ZFHX4: variants seen among roughly 807,000 people sequenced by gnomAD.
ZFHX4 encodes the protein zinc finger homeobox protein 4.
In ZFHX4, 56 loss-of-function variants were observed where a neutral mutation model predicts 267.6. The observed-to-expected ratio is 0.21, with a 90% CI of 0.17 to 0.26. The LOEUF (loss-of-function observed/expected upper bound fraction) is 0.26. ZFHX4 is among the 10% of genes least tolerant of loss of function. The pLI is 1.00. For missense variants in ZFHX4, 4,332 were observed against 4,420.0 expected (o/e 0.98, Z 0.56); for synonymous variants, 1,778 against 1,665.6 (o/e 1.07, Z -1.64).
Position 76,812,276 on chromosome 8 carries a change from A to G in ZFHX4, c.3326-21062A>G, listed in dbSNP as rs555492619. Among the ~76,000 whole-genome samples, 4 of 152,342 alleles carry G rather than the reference A, an allele frequency of 2.6e-5. No homozygotes were observed. The South Asian group carries it at 8.3e-4, about 32-fold the overall frequency. ...GTAAATGCTTTTGCTTATCTCATTT[A>G]TCAAGAATTTTAAATTCTGTTGCAG... On this transcript the variant is annotated intron_variant, in intron 4 of 10. Transcript: ENST00000651372.
At chr8:76,684,359 C>T (rs1177290055) in intron 1 of ZFHX4, among the ~76,000 whole-genome samples, 2 of 152,082 alleles carry the variant, frequency 1.3e-5, no homozygotes, top group African/African-American at 4.8e-5. Flanking sequence ...CTGTTTTAAC[C>T]TCTTGCACCT....
At chr8:76,804,212 A>T (rs1811190729) in intron 4 of ZFHX4, among the ~76,000 whole-genome samples, 1 of 152,156 alleles carries the variant, frequency 6.6e-6, no homozygotes, top group Non-Finnish European at 1.5e-5. Context: ...AATGGAAGCA[A>T]CGTGAGGAAA....
intron 3 of ZFHX4, among the ~76,000 whole-genome samples, chr8:76,755,992 GT>G (rs1809750492): frequency 6.6e-6 from 1 of 152,172 alleles, no homozygotes; most frequent in South Asian, 2.1e-4. Flanking sequence ...CTTCGTAGGA[GT>G]TCCATGTTAT....
intron 1 of ZFHX4, among the ~76,000 whole-genome samples, chr8:76,700,523 C>A (rs896656670): frequency 6.6e-6 from 1 of 152,164 alleles, no homozygotes; most frequent in Non-Finnish European, 1.5e-5. Context: ...AAAGCACCCC[C>A]TTTCATTAGT....
chr8:76,758,991 T>A (rs1429675249), intron 3 of ZFHX4, among the ~76,000 whole-genome samples: 1 of 152,204 alleles, frequency 6.6e-6, no homozygotes, highest in Non-Finnish European at 1.5e-5. Context: ...GATACAATAC[T>A]GGTATGTGGA....
rs367633059 is a variant in ZFHX4 at position 76,705,243 on chromosome 8, C to T, written c.1155C>T (p.Ser385=). ...CTGGCTTTGCCTTCTTAAAAGGAAGCGCGAGCACCTCGAGCTCAGCAGAGC... is the reference window on the plus strand; with the variant it reads ...CTGGCTTTGCCTTCTTAAAAGGAAGTGCGAGCACCTCGAGCTCAGCAGAGC... ...LPAGFAFLKG[S]ASTSSSAEQP... The change falls in exon 2 of 11, where the codon AGC becomes AGT. Residue 385 remains serine, a synonymous_variant. Transcript: ENST00000651372. 2.9e-5 allele frequency: 47 copies of T among 1,613,808 alleles called. No homozygotes were observed. Among genetic ancestry groups the T allele is most frequent in the African/African-American group, 8.0e-5 (6 of 74,898 alleles).
chr8:76,781,988 A>G (rs909559251), intron 4 of ZFHX4, among the ~76,000 whole-genome samples: 3 of 151,964 alleles, frequency 2.0e-5, no homozygotes, highest in Non-Finnish European at 4.4e-5. Flanking sequence ...CAGTAATCAG[A>G]TAGGGATTTC....
intron 6 of ZFHX4, among the ~76,000 whole-genome samples, chr8:76,847,513 A>G (rs563729718): frequency 7.9e-5 from 12 of 152,202 alleles, no homozygotes; most frequent in African/African-American, 2.9e-4. Context: ...AAATCTAGAA[A>G]TCAGTAGTAT....
At chr8:76,808,542 T>C (rs1024010526) in intron 4 of ZFHX4, among the ~76,000 whole-genome samples, 1 of 152,166 alleles carries the variant, frequency 6.6e-6, no homozygotes, top group East Asian at 1.9e-4. Context: ...AACCAGCCAC[T>C]GCTGTTTAAG....
intron 4 of ZFHX4, among the ~76,000 whole-genome samples, chr8:76,794,620 A>G (rs952507560): frequency 2.8e-4 from 42 of 152,164 alleles, no homozygotes; most frequent in African/African-American, 9.9e-4. Flanking sequence ...TGTGTTCTAT[A>G]CAGGAGACTG....
chr8:76,859,847 A>G (rs1186226936), intron 10 of ZFHX4, among the ~76,000 whole-genome samples: 1 of 152,146 alleles, frequency 6.6e-6, no homozygotes, highest in Non-Finnish European at 1.5e-5. Context: ...AATGAACTAC[A>G]TATGAGTGCG....
chr8:76,702,403 C>T (rs1199909699), intron 1 of ZFHX4, among the ~76,000 whole-genome samples: 4 of 152,198 alleles, frequency 2.6e-5, no homozygotes, highest in African/African-American at 9.6e-5. Context: ...GATTTGATTA[C>T]AGTAAAGAGA....
At chr8:76,825,289 A>C (rs980317696) in intron 4 of ZFHX4, among the ~76,000 whole-genome samples, 1 of 152,210 alleles carries the variant, frequency 6.6e-6, no homozygotes, top group South Asian at 2.1e-4. Flanking sequence ...CTGCAAACTT[A>C]TTATTGTTTC....
At chr8:76,840,317 G>A (rs1812202532) in intron 5 of ZFHX4, among the ~76,000 whole-genome samples, 1 of 152,156 alleles carries the variant, frequency 6.6e-6, no homozygotes, top group African/African-American at 2.4e-5. Context: ...CGATTAAGTT[G>A]ATGGGGAGCG....
Position 76,778,326 on chromosome 8 carries a change from A to G in ZFHX4, c.3212A>G (p.His1071Arg). 6.2e-7 allele frequency: 1 copy of G among 1,613,866 alleles called. No individual in the cohort carries two copies. The highest frequency in any genetic ancestry group is 8.5e-7 in the Non-Finnish European group (1 of 1,179,830). ...NLVQHVRSVK[H>R]QQTEGLRKLQ... Reference sequence around the variant, plus strand: ...GTACAACATGTCCGTTCGGTGAAGCATCAGCAGACTGAGGGCCTACGGAAG... The same window carrying G: ...GTACAACATGTCCGTTCGGTGAAGCGTCAGCAGACTGAGGGCCTACGGAAG... Residue 1071 changes from histidine to arginine, a missense_variant, in exon 4 of 11, where the codon CAT becomes CGT. Transcript: ENST00000651372.
Position 76,851,622 on chromosome 8 carries a change from T to G in ZFHX4, c.4701T>G (p.His1567Gln). The G allele has an allele frequency of 6.2e-7, 1 of 1,613,790 alleles. No individual in the cohort carries two copies. Among genetic ancestry groups the G allele is most frequent in the Non-Finnish European group, 8.5e-7 (1 of 1,179,814 alleles). Residue 1567 changes from histidine to glutamine, a missense_variant, in exon 10 of 11, where the codon CAT becomes CAG. His to Gln is a conservative substitution (Grantham distance 24). Coordinates refer to ENST00000651372, the MANE Select transcript of ZFHX4 (RefSeq NM_024721.5). ...LVHYNSVSHL[H>Q]KLKKVLQEAS... The stretch of plus-strand genomic sequence containing the variant: ...ACTATAATTCAGTTTCTCACTTGCA[T>G]AAGCTGAAAAAAGTTTTGCAGGAAG...
At position 76,852,189 on chromosome 8, in the gene ZFHX4, G is replaced by T; in HGVS notation, c.5268G>T (p.Leu1756Phe). Reference protein sequence around the residue: ...TEFSLGPDLGLPGSATFGMPG... With the variant: ...TEFSLGPDLGFPGSATFGMPG... ...TCAGCTTGGGGCCAGATTTGGGCTT[G>T]CCAGGCTCTGCCACATTTGGGATGC... Residue 1756 changes from leucine (L) to phenylalanine (F), a missense_variant, in exon 10 of 11, where the codon TTG (leucine) becomes TTT (phenylalanine). Leu to Phe is a conservative substitution (Grantham distance 22, BLOSUM62 0). Coordinates refer to ENST00000651372, the MANE Select transcript of ZFHX4 (RefSeq NM_024721.5). The T allele has an allele frequency of 6.2e-7, 1 of 1,613,868 alleles. No homozygotes were observed. The highest frequency in any genetic ancestry group is 8.5e-7 in the Non-Finnish European group (1 of 1,179,840).
At chr8:76,799,781 T>C (rs1811071314) in intron 4 of ZFHX4, among the ~76,000 whole-genome samples, 1 of 152,158 alleles carries the variant, frequency 6.6e-6, no homozygotes, top group African/African-American at 2.4e-5. Context: ...CACCTAGAAA[T>C]GCTTCCTCGT....
Position 76,707,766 on chromosome 8 carries a change from A to C in ZFHX4, c.2811A>C (p.Ala937=), listed in dbSNP as rs1464420350. ...ERSLPEEEWR[A]VIGDIYQCKL... is the part of the protein sequence containing the mutation. ...CTCTCCCTGAAGAGGAATGGAGGGC[A>C]GTAATTGGAGATATCTACCAGTGCA... is the stretch of plus-strand genomic sequence containing the variant. Residue 937 remains alanine, a synonymous_variant, in exon 3 of 11, where the codon GCA becomes GCC. Coordinates refer to ENST00000651372, the MANE Select transcript of ZFHX4 (RefSeq NM_024721.5). 2 of 1,613,886 alleles carry C rather than the reference A, an allele frequency of 1.2e-6. No individual in the cohort carries two copies. The highest frequency in any genetic ancestry group is 3.3e-5 in the Admixed American group (2 of 59,992).
Sources: allele counts gnomAD v4.1 joint callset (sites outside exome capture counted in the v4.1 genomes callset), GRCh38; gene constraint gnomAD v4.1.1; transcripts MANE v1.5; gene names NCBI Gene and HGNC (gene_info 2026-07-23, HGNC 2026-07-21).